GLI1: variants seen among roughly 807,000 people sequenced by gnomAD.
GLI1 encodes GLI family zinc finger 1, also known as transcription activator GLI1.
A neutral mutation model predicts 87.8 loss-of-function variants in GLI1; 51 were observed. The ratio of observed to expected loss-of-function variants is 0.58; its 90% CI spans 0.46 to 0.73. GLI1 has a LOEUF of 0.73. Among genes scored for constraint, GLI1 ranks in the 30% least tolerant of loss-of-function variants. The pLI, the probability that GLI1 is intolerant of heterozygous loss-of-function variation, is 0.00. For missense variants in GLI1, 1,292 were observed against 1,437.2 expected (o/e 0.90, Z 1.63); for synonymous variants, 528 against 558.2 (o/e 0.95, Z 0.76).
chr12:57,464,199 T>C, intron 3 of GLI1, 108 bp downstream of exon 3: 1 of 805,548 alleles, frequency 1.2e-6, no homozygotes, highest in Non-Finnish European at 2.2e-6. Context: ...TGCTTGGAGA[T>C]GTGAGGCGTC....
At chr12:57,462,106 G>A (rs1004463279) in intron 1 of GLI1, among the ~76,000 whole-genome samples, 4 of 152,154 alleles carry the variant, frequency 2.6e-5, no homozygotes, top group Non-Finnish European at 5.9e-5. Flanking sequence ...GTTTGGGGGA[G>A]TCTCTAGTGT....
Position 57,470,975 on chromosome 12 carries a change from G to C in GLI1, c.2235G>C (p.Ala745=). ...PEGAAAEPYG[A]RGPGSLPLGP... ...GGGCAGCAGCTGAGCCTTATGGAGC[G>C]AGGGGTCCAGGCTCTCTGCCTCTTG... is the stretch of plus-strand genomic sequence containing the variant. Residue 745 remains alanine (A), a synonymous_variant, in exon 12 of 12, where the codon GCG becomes GCC. Coordinates refer to ENST00000228682, the MANE Select transcript of GLI1 (RefSeq NM_005269.3). 6.2e-7 allele frequency: 1 copy of C among 1,613,344 alleles called. No individual in the cohort carries two copies. The highest frequency in any genetic ancestry group is 1.1e-5 in the South Asian group (1 of 90,990).
intron 8 of GLI1, 75 bp from the exon 9 acceptor site, chr12:57,467,258 T>G: frequency 8.2e-7 from 1 of 1,218,398 alleles, no homozygotes; most frequent in Admixed American, 2.1e-5. Flanking sequence ...GTGTGTCCTG[T>G]TGGAGATTGA....
chr12:57,462,156 G>A (rs1348660002), intron 1 of GLI1, among the ~76,000 whole-genome samples: 1 of 152,162 alleles, frequency 6.6e-6, no homozygotes, highest in African/African-American at 2.4e-5. Context: ...TCCCCTGGGT[G>A]AGTCATAGAG....
At chr12:57,464,919 T>C (rs1230915533) in intron 4 of GLI1, 51 bp downstream of exon 4, 1 of 1,444,412 alleles carries the variant, frequency 6.9e-7, no homozygotes, top group Admixed American at 1.7e-5. Flanking sequence ...CCCAAGTCCA[T>C]TAAAAGTCTC....
At position 57,465,917 on chromosome 12, in the gene GLI1, C is replaced by T. The variant is rs773857943; in HGVS notation, c.754C>T (p.Leu252=). Residue 252 remains leucine, a synonymous_variant, in exon 7 of 12, where the codon CTG becomes TTG. Coordinates refer to ENST00000228682, the MANE Select transcript of GLI1 (RefSeq NM_005269.3). ...CCAGGAATTTGACTCCCAAGAGCAG[C>T]TGGTGCACGTGAGCCCCAGGGGGTA... The part of the protein sequence containing the change: ...CSQEFDSQEQ[L]VHHINSEHIH... 5 of 1,613,818 alleles carry T rather than the reference C, an allele frequency of 3.1e-6. No individual in the cohort carries two copies. The South Asian group carries it at 3.3e-5, about 11-fold the overall frequency.
rs768002671 is a variant in GLI1, at chr12:57,470,742, A to C, written c.2002A>C (p.Thr668Pro). The change falls in exon 12 of 12, where the codon ACT (threonine) becomes CCT (proline). Residue 668 changes from threonine to proline, a missense_variant. Transcript: ENST00000228682. ...KSLGCVHTPP[T>P]VAGGGQNFDP... Reference sequence around the variant, plus strand: ...CCTGGGCTGTGTCCATACCCCACCCACTGTGGCAGGGGGAGGACAGAACTT... The same window carrying C: ...CCTGGGCTGTGTCCATACCCCACCCCCTGTGGCAGGGGGAGGACAGAACTT... The C allele has an allele frequency of 1.5e-5, 25 of 1,613,042 alleles. 1 individual carries two copies. In the South Asian group the frequency reaches 2.0e-4, roughly 13 times the overall value.
At position 57,468,102 on chromosome 12, in the gene GLI1, C is replaced by A. The variant is rs374429707; in HGVS notation, c.1186C>A (p.Arg396=). The A allele has an allele frequency of 6.2e-7, 1 of 1,614,116 alleles. No individual in the cohort carries two copies. The highest frequency in any genetic ancestry group is 1.1e-5 in the South Asian group (1 of 91,088). Residue 396 remains arginine, a synonymous_variant, in exon 10 of 12, where the codon CGG becomes AGG. Transcript: ENST00000228682. ...TGGTCCTGACGCCCATGTGACCAAA[C>A]GGCACCGTGGGGATGGCCCCCTGCC... is the stretch of plus-strand genomic sequence containing the variant. The part of the protein sequence containing the change: ...VHGPDAHVTK[R]HRGDGPLPRA...
chr12:57,465,832 A>G lies in GLI1; in HGVS notation c.669A>G (p.Arg223=). 6.2e-7 allele frequency: 1 copy of G among 1,614,086 alleles called. No individual in the cohort carries two copies. ...GMLDGREDLE[R]EEKREPESVY... is the part of the protein sequence containing the mutation. ...TGGATGGGCGGGAGGACCTCGAGAG[A>G]GAGGAGAAGCGTGAGCCTGAATCTG... The change falls in exon 7 of 12, where the codon AGA becomes AGG. Residue 223 remains arginine (R), a synonymous_variant. Coordinates refer to ENST00000228682, the MANE Select transcript of GLI1 (RefSeq NM_005269.3).
At chr12:57,465,357 T>G (rs959918428) in intron 5 of GLI1, 102 bp downstream of exon 5, 1 of 1,120,120 alleles carries the variant, frequency 8.9e-7, no homozygotes, top group African/African-American at 1.6e-5. Context: ...ATATAAGTTT[T>G]CAGTACTAGA....
chr12:57,463,171 C>A (rs1871252233), intron 1 of GLI1, among the ~76,000 whole-genome samples: 1 of 152,186 alleles, frequency 6.6e-6, no homozygotes, highest in South Asian at 2.1e-4. Flanking sequence ...ACTGCCTCTG[C>A]CTCTCTGGGA....
In GLI1 at chr12:57,464,730, C is replaced by A. The variant is rs144785382; in HGVS notation, c.251C>A (p.Ser84Tyr). ...AVKLTKKRALSISPLSDASLD... is the reference protein window; with the variant it reads ...AVKLTKKRALYISPLSDASLD... Reference sequence around the variant, plus strand: ...AAGTTGACCAAGAAGCGGGCACTGTCCATCTCACCTCTGTCGGATGCCAGC... The same window carrying A: ...AAGTTGACCAAGAAGCGGGCACTGTACATCTCACCTCTGTCGGATGCCAGC... Residue 84 changes from serine to tyrosine, a missense_variant, in exon 4 of 12, where the codon TCC becomes TAC. Ser to Tyr is a moderately radical substitution (Grantham distance 144). Coordinates refer to ENST00000228682, the MANE Select transcript of GLI1 (RefSeq NM_005269.3). The A allele has an allele frequency of 3.0e-5, 48 of 1,613,810 alleles. No individual in the cohort carries two copies. The highest frequency in any genetic ancestry group is 3.9e-5 in the Non-Finnish European group (46 of 1,179,812).
intron 8 of GLI1, 84 bp downstream of exon 8, chr12:57,466,473 T>C: frequency 1.0e-6 from 1 of 972,816 alleles, no homozygotes. Context: ...GACTTTTGCT[T>C]TTATAAGTCC....
rs377236422 is a variant in GLI1 at position 57,471,000 on chromosome 12, G to A, written c.2260G>A (p.Gly754Arg). ...GARGPGSLPL[G>R]PGPPTNYGPN... ...GAGGGGTCCAGGCTCTCTGCCTCTTGGGCCTGGTCCACCCACCAACTATGG... is the reference window on the plus strand; with the variant it reads ...GAGGGGTCCAGGCTCTCTGCCTCTTAGGCCTGGTCCACCCACCAACTATGG... Residue 754 changes from glycine (G) to arginine (R), a missense_variant, in exon 12 of 12, where the codon GGG (glycine) becomes AGG (arginine). Gly to Arg is a moderately radical substitution (Grantham distance 125). This residue lies in a region of GLI1 where 897 missense variants were observed against 1,040.7 expected (regional missense o/e 0.86). Transcript: ENST00000228682. 8.7e-6 allele frequency: 14 copies of A among 1,611,094 alleles called. No homozygotes were observed. In the African/African-American group the frequency reaches 1.7e-4, roughly 20 times the overall value.
intron 1 of GLI1, among the ~76,000 whole-genome samples, chr12:57,461,746 G>A (rs1043341456): frequency 6.6e-6 from 1 of 151,922 alleles, no homozygotes; most frequent in Admixed American, 6.5e-5. Context: ...ACTTGGGTGG[G>A]CCGAGGAGGC....
In GLI1 at chr12:57,468,108, C is replaced by T. The variant is rs374063272; in HGVS notation, c.1192C>T (p.Arg398Cys). ...TGACGCCCATGTGACCAAACGGCAC[C>T]GTGGGGATGGCCCCCTGCCTCGGGC... Reference protein sequence around the residue: ...GPDAHVTKRHRGDGPLPRAPS... With the variant: ...GPDAHVTKRHCGDGPLPRAPS... Residue 398 changes from arginine to cysteine, a missense_variant, in exon 10 of 12, where the codon CGT becomes TGT. Around this residue, in one of 3 missense-constraint regions of GLI1, gnomAD observed 897 missense variants for 1,040.7 expected, o/e 0.86. Transcript: ENST00000228682. The T allele has an allele frequency of 6.1e-5, 99 of 1,614,006 alleles. No individual in the cohort carries two copies. The highest frequency in any genetic ancestry group is 3.3e-4 in the Middle Eastern group (2 of 6,084).
Position 57,468,023 on chromosome 12 carries a change from C to T in GLI1, c.1107C>T (p.Cys369=), listed in dbSNP as rs1871611517. 6.2e-7 allele frequency: 1 copy of T among 1,614,104 alleles called. No individual in the cohort carries two copies. The highest frequency in any genetic ancestry group is 8.5e-7 in the Non-Finnish European group (1 of 1,179,926). ...CGTATGTATGTAAGCTCCCTGGCTG[C>T]ACCAAACGCTATACAGATCCTAGCT... ...EKPYVCKLPG[C]TKRYTDPSSL... is the part of the protein sequence containing the mutation. The change falls in exon 10 of 12, where the codon TGC becomes TGT. Residue 369 remains cysteine (C), a synonymous_variant. Transcript: ENST00000228682.
In GLI1 at chr12:57,465,639, G is replaced by A; in HGVS notation, c.567G>A (p.Lys189=). The A allele has an allele frequency of 1.2e-6, 2 of 1,614,190 alleles. No homozygotes were observed. Among genetic ancestry groups the A allele is most frequent in the South Asian group, 2.2e-5 (2 of 91,090 alleles). The change falls in exon 6 of 12, where the codon AAG becomes AAA. Residue 189 remains lysine (K), a synonymous_variant. Transcript: ENST00000228682. ...CTGAGCTGGACATGCTGGTTGGCAA[G>A]TGCCGGGAGGAACCCTTGGAAGGTG... is the stretch of plus-strand genomic sequence containing the variant. The part of the protein sequence containing the change: ...LKSELDMLVG[K]CREEPLEGDM...
chr12:57,464,635 C>T lies in GLI1; in HGVS notation c.194-38C>T, dbSNP rs752300783. 5 of 1,482,734 alleles carry T rather than the reference C, an allele frequency of 3.4e-6. No individual in the cohort carries two copies. In the African/African-American group the frequency reaches 4.1e-5, roughly 12 times the overall value. The allele number at this position is 1,482,734 out of a possible 1,614,324, so 91.8% of individuals were successfully genotyped here. ...AGGTTAGGTGCATGGAGAGACATGCCCCTTTACCATATCCGTCTCCGCTGT... is the reference window on the plus strand; with the variant it reads ...AGGTTAGGTGCATGGAGAGACATGCTCCTTTACCATATCCGTCTCCGCTGT... On this transcript the variant is annotated intron_variant, in intron 3 of 11. Coordinates refer to ENST00000228682, the MANE Select transcript of GLI1 (RefSeq NM_005269.3).
Sources: allele counts gnomAD v4.1 joint callset (sites outside exome capture counted in the v4.1 genomes callset), GRCh38; gene constraint gnomAD v4.1.1; regional missense constraint gnomAD v4.1.1; transcripts MANE v1.5; gene names NCBI Gene and HGNC (gene_info 2026-07-23, HGNC 2026-07-21).